The following CNTN4 variants were observed in gnomAD, a reference collection of about 807,000 sequenced individuals.
CNTN4 encodes the protein contactin 4.
Under a neutral mutation model 122.5 loss-of-function variants are expected in CNTN4, and 77 were observed. The observed-to-expected ratio is 0.63, with a 90% CI of 0.52 to 0.76. The LOEUF (loss-of-function observed/expected upper bound fraction) is 0.76. Ranked by LOEUF, CNTN4 falls within the 30% of genes least tolerant of loss-of-function variation. The pLI is 0.00. For synonymous variants in CNTN4, 512 were observed against 447.0 expected (o/e 1.15, Z -1.83); for missense variants, 1,256 against 1,259.1 (o/e 1.00, Z 0.04).
chr3:2,758,348 A>T (rs2090432941), intron 6 of CNTN4, among the ~76,000 whole-genome samples: 1 of 152,172 alleles, frequency 6.6e-6, no homozygotes, highest in African/African-American at 2.4e-5. Context: ...GGCCTTTACC[A>T]GCCTATGAGG....
chr3:2,669,818 A>G (rs1177475385), intron 4 of CNTN4, among the ~76,000 whole-genome samples: 1 of 152,174 alleles, frequency 6.6e-6, no homozygotes. Flanking sequence ...GTTTCCAAGA[A>G]CATCTTTATT....
intron 3 of CNTN4, among the ~76,000 whole-genome samples, chr3:2,377,894 G>C (rs1369146792): frequency 4.6e-5 from 7 of 152,070 alleles, no homozygotes; most frequent in Non-Finnish European, 1.0e-4. Flanking sequence ...TCCTGGATGA[G>C]GCATTTTTAA....
chr3:2,882,748 A>G (rs1028954514), intron 8 of CNTN4: 14 of 209,442 alleles, frequency 6.7e-5, no homozygotes, highest in Middle Eastern at 4.0e-3. Context: ...TTAAGCATGC[A>G]GGTATTTTTG....
At chr3:2,430,225 C>T (rs181284838) in intron 3 of CNTN4, among the ~76,000 whole-genome samples, 1 of 152,028 alleles carries the variant, frequency 6.6e-6, no homozygotes, top group South Asian at 2.1e-4. Flanking sequence ...AGATTGAGAC[C>T]ATCCTGGCTA....
chr3:2,900,538 T>A, intron 10 of CNTN4, 147 bp from the exon 11 acceptor site: 1 of 882,394 alleles, frequency 1.1e-6, no homozygotes, highest in Admixed American at 2.0e-5. Flanking sequence ...GGCACCTCCC[T>A]GAATGTCTCC....
chr3:2,453,688 A>C (rs2048907476), intron 3 of CNTN4, among the ~76,000 whole-genome samples: 1 of 152,166 alleles, frequency 6.6e-6, no homozygotes, highest in Non-Finnish European at 1.5e-5. Context: ...ATTCTGAAAA[A>C]ATATTAGCAC....
chr3:2,479,396 G>C (rs994201807), intron 3 of CNTN4, among the ~76,000 whole-genome samples: 16 of 152,132 alleles, frequency 1.1e-4, no homozygotes, highest in Non-Finnish European at 2.1e-4. Context: ...GCCAGCCTGC[G>C]AATGTAACAA....
chr3:2,626,959 T>C (rs1035519166), intron 4 of CNTN4, among the ~76,000 whole-genome samples: 6 of 152,202 alleles, frequency 3.9e-5, no homozygotes, highest in Admixed American at 1.3e-4. Context: ...ATAATCTTAG[T>C]ATTTTGTGTG....
chr3:2,625,808 G>A (rs758881702), intron 4 of CNTN4, among the ~76,000 whole-genome samples: 6 of 151,666 alleles, frequency 4.0e-5, no homozygotes, highest in Admixed American at 6.6e-5. Context: ...CTCCTGCTGC[G>A]CCTGATTCTA....
chr3:2,665,316 A>G (rs921656271), intron 4 of CNTN4, among the ~76,000 whole-genome samples: 23 of 152,176 alleles, frequency 1.5e-4, no homozygotes, highest in African/African-American at 5.3e-4. Flanking sequence ...GGATATTTTC[A>G]TGAGCTTTAC....
intron 4 of CNTN4, among the ~76,000 whole-genome samples, chr3:2,617,612 G>A (rs12639518): frequency 0.095 from 14,412 of 151,720 alleles, 887 homozygotes; most frequent in Non-Finnish European, 0.13. Context: ...TAGTACAGAC[G>A]GAGTTTCACA....
intron 3 of CNTN4, among the ~76,000 whole-genome samples, chr3:2,515,317 A>T (rs1017548248): frequency 6.6e-6 from 1 of 152,194 alleles, no homozygotes; most frequent in African/African-American, 2.4e-5. Flanking sequence ...ATTAAGGTGA[A>T]GGATTTATCT....
intron 3 of CNTN4, among the ~76,000 whole-genome samples, chr3:2,565,703 A>T (rs1433573601): frequency 6.6e-6 from 1 of 152,194 alleles, no homozygotes; most frequent in African/African-American, 2.4e-5. Flanking sequence ...TTGAACATTA[A>T]GATTTTACTG....
intron 6 of CNTN4, among the ~76,000 whole-genome samples, chr3:2,772,139 C>G (rs868807833): frequency 1.3e-4 from 20 of 152,214 alleles, no homozygotes; most frequent in Middle Eastern, 3.4e-3. Flanking sequence ...GGCTGACGAT[C>G]TCAAAGGGTT....
chr3:2,364,445 G>A (rs576654312), intron 3 of CNTN4, among the ~76,000 whole-genome samples: 6 of 152,112 alleles, frequency 3.9e-5, no homozygotes, highest in Non-Finnish European at 8.8e-5. Context: ...GGGAGAAAGG[G>A]GTCCTACTGG....
At chr3:2,802,289 A>T (rs2092366630) in intron 6 of CNTN4, among the ~76,000 whole-genome samples, 2 of 152,196 alleles carry the variant, frequency 1.3e-5, no homozygotes. Flanking sequence ...TAAGTCACCC[A>T]ACACTTATTT....
chr3:2,630,650 G>T (rs757963959), intron 4 of CNTN4, among the ~76,000 whole-genome samples: 29 of 151,636 alleles, frequency 1.9e-4, no homozygotes, highest in Non-Finnish European at 3.8e-4. Context: ...TGTAATTATA[G>T]TAAAATTTGA....
chr3:2,929,003 A>G (rs1044120427), intron 13 of CNTN4, among the ~76,000 whole-genome samples: 3 of 152,246 alleles, frequency 2.0e-5, no homozygotes, highest in African/African-American at 7.2e-5. Context: ...AATATACAGC[A>G]TATTCACACT....
chr3:2,484,171 A>G (rs80171279), intron 3 of CNTN4, among the ~76,000 whole-genome samples: 9,706 of 152,266 alleles, frequency 0.064, 1,008 homozygotes, highest in African/African-American at 0.22. Flanking sequence ...TATTGAAAAA[A>G]ATACACAGAC....
Sources: allele counts gnomAD v4.1 joint callset (sites outside exome capture counted in the v4.1 genomes callset), GRCh38; gene constraint gnomAD v4.1.1; transcripts MANE v1.5; gene names NCBI Gene and HGNC (gene_info 2026-07-23, HGNC 2026-07-21).